The following ESR1 variants were observed in gnomAD, a reference collection of about 807,000 sequenced individuals.
The protein encoded by ESR1 is estrogen receptor.
Under a neutral mutation model 52.7 loss-of-function variants are expected in ESR1, and 12 were observed. The observed-to-expected ratio is 0.23, with a 90% CI of 0.15 to 0.37. The LOEUF is 0.37. Ranked by LOEUF, ESR1 falls within the 10% of genes least tolerant of loss-of-function variation. The pLI is 1.00. For missense variants in ESR1, 584 were observed against 779.7 expected, an observed-to-expected ratio of 0.75 and a Z score of 2.99; for synonymous variants, 305 against 316.8, an observed-to-expected ratio of 0.96 and a Z score of 0.39.
At chr6:151,895,535 C>T (rs549760787) in intron 3 of ESR1, among the ~76,000 whole-genome samples, 52 of 152,160 alleles carry the variant, frequency 3.4e-4, no homozygotes, top group African/African-American at 1.2e-3. Context: ...ATCATAGATG[C>T]CTTTTATTAC....
intron 6 of ESR1, among the ~76,000 whole-genome samples, chr6:152,093,638 G>T (rs2050379232): frequency 6.6e-6 from 1 of 152,112 alleles, no homozygotes; most frequent in African/African-American, 2.4e-5. Context: ...CAGACAGCAG[G>T]ATCTATTTCA....
intron 2 of ESR1, among the ~76,000 whole-genome samples, chr6:151,785,917 C>T (rs1481116006): frequency 6.6e-6 from 1 of 152,136 alleles, no homozygotes; most frequent in East Asian, 1.9e-4. Context: ...CTATTCATGT[C>T]CTTTCTATTC....
intron 5 of ESR1, among the ~76,000 whole-genome samples, chr6:152,020,265 A>G (rs1030961323): frequency 6.6e-6 from 1 of 152,040 alleles, no homozygotes; most frequent in East Asian, 1.9e-4. Flanking sequence ...AATATATATA[A>G]CTCTAAAAGC....
At chr6:151,756,657 T>C (rs1476955218) in intron 2 of ESR1, among the ~76,000 whole-genome samples, 7 of 152,370 alleles carry the variant, frequency 4.6e-5, no homozygotes, top group African/African-American at 1.7e-4. Context: ...AATTATAGTT[T>C]TTGAATAAAT....
intron 5 of ESR1, among the ~76,000 whole-genome samples, chr6:152,024,298 C>T (rs1157543533): frequency 6.6e-6 from 1 of 152,048 alleles, no homozygotes; most frequent in Non-Finnish European, 1.5e-5. Flanking sequence ...TGTTTTAATT[C>T]TGGCCATGCT....
At chr6:151,770,648 A>G (rs1785437182) in intron 2 of ESR1, among the ~76,000 whole-genome samples, 1 of 152,172 alleles carries the variant, frequency 6.6e-6, no homozygotes, top group South Asian at 2.1e-4. Context: ...AGAGCAAAGG[A>G]GAATTAAGCC....
intron 1 of ESR1, among the ~76,000 whole-genome samples, chr6:151,683,399 G>A (rs1314277231): frequency 6.6e-6 from 1 of 151,520 alleles, no homozygotes; most frequent in Non-Finnish European, 1.5e-5. Flanking sequence ...ATAGAGGGAT[G>A]TGGATTGGAG....
At chr6:151,857,213 A>G (rs1788006346) in intron 2 of ESR1, among the ~76,000 whole-genome samples, 1 of 152,164 alleles carries the variant, frequency 6.6e-6, no homozygotes, top group Non-Finnish European at 1.5e-5. Context: ...GAACACATAC[A>G]GAGATTTTCC....
intron 3 of ESR1, among the ~76,000 whole-genome samples, chr6:151,881,937 C>T (rs1278143420): frequency 2.7e-5 from 4 of 150,054 alleles, no homozygotes; most frequent in Admixed American, 6.7e-5. Context: ...AATAAAGTAA[C>T]GGATTCATTT....
chr6:151,698,852 A>G (rs1207176407), intron 1 of ESR1, among the ~76,000 whole-genome samples: 1 of 152,204 alleles, frequency 6.6e-6, no homozygotes, highest in Non-Finnish European at 1.5e-5. Flanking sequence ...ACATGATAAC[A>G]TTCAACAGGA....
chr6:152,067,624 C>T (rs1329585241), intron 6 of ESR1, among the ~76,000 whole-genome samples: 1 of 152,072 alleles, frequency 6.6e-6, no homozygotes, highest in African/African-American at 2.4e-5. Context: ...TCAGGAGTTC[C>T]AGAACAGCCT....
At chr6:151,857,820 C>G (rs778684996) in intron 2 of ESR1, among the ~76,000 whole-genome samples, 2 of 152,186 alleles carry the variant, frequency 1.3e-5, no homozygotes, top group Non-Finnish European at 2.9e-5. Flanking sequence ...TGAGCTACCA[C>G]ACCCAGTTGC....
At chr6:151,750,346 A>G (rs1240403442) in intron 2 of ESR1, among the ~76,000 whole-genome samples, 2 of 152,178 alleles carry the variant, frequency 1.3e-5, no homozygotes, top group African/African-American at 2.4e-5. Context: ...GTTCTCAGCA[A>G]TGGCAGTTTG....
At chr6:152,058,668 A>T (rs562603235) in intron 5 of ESR1, among the ~76,000 whole-genome samples, 1 of 142,592 alleles carries the variant, frequency 7.0e-6, no homozygotes, top group Non-Finnish European at 1.5e-5. Context: ...TGTGTCTTGC[A>T]CCTGGCTTTC....
At chr6:151,830,250 C>G (rs938628020) in intron 1 of ESR1, among the ~76,000 whole-genome samples, 2 of 152,098 alleles carry the variant, frequency 1.3e-5, no homozygotes, top group Admixed American at 6.6e-5. Context: ...TGGATGCTTT[C>G]TCTTCCTTCT....
chr6:151,922,281 C>G lies in ESR1; in HGVS notation c.761-21892C>G, dbSNP rs1055177466. Among the ~76,000 whole-genome samples the G allele has an allele frequency of 3.3e-5, 5 of 152,040 alleles. No individual in the cohort carries two copies. The East Asian group carries it at 9.6e-4, about 29-fold the overall frequency. On this transcript the variant is annotated intron_variant, in intron 3 of 7. Coordinates refer to ENST00000206249, the MANE Select transcript of ESR1 (RefSeq NM_000125.4). ...CCACATACAGAAAATTGAAACTGGACCCCTTCCTTACACCTTATACAAAAA... is the reference window on the plus strand; with the variant it reads ...CCACATACAGAAAATTGAAACTGGAGCCCTTCCTTACACCTTATACAAAAA...
intron 3 of ESR1, among the ~76,000 whole-genome samples, chr6:151,935,155 G>A (rs2034201838): frequency 6.6e-6 from 1 of 152,158 alleles, no homozygotes; most frequent in Non-Finnish European, 1.5e-5. Flanking sequence ...TTTGTCAAGA[G>A]CTTAGATGAG....
intron 6 of ESR1, among the ~76,000 whole-genome samples, chr6:152,085,051 A>C (rs1390500560): frequency 6.6e-6 from 1 of 152,214 alleles, no homozygotes; most frequent in African/African-American, 2.4e-5. Flanking sequence ...GGAAGCATTG[A>C]AATTCTATTC....
intron 5 of ESR1, among the ~76,000 whole-genome samples, chr6:152,038,460 A>G (rs2045504096): frequency 6.6e-6 from 1 of 152,142 alleles, no homozygotes; most frequent in South Asian, 2.1e-4. Flanking sequence ...TGTCAACTTG[A>G]TCCCACATAC....
Sources: gnomAD v4.1 joint callset for allele counts (sites outside exome capture counted in the v4.1 genomes callset) on GRCh38, gnomAD v4.1.1 for gene constraint, MANE v1.5 for transcripts, NCBI Gene and HGNC (gene_info 2026-07-23, HGNC 2026-07-21) for gene names.